The following DTNB variants were observed in gnomAD, a reference collection of about 807,000 sequenced individuals.
DTNB encodes the protein DTN-B.
DTNB carries 63 observed loss-of-function variants against 90.7 expected under a neutral mutation model. That is an observed-to-expected ratio of 0.69 (90% CI 0.57 to 0.86). DTNB has a LOEUF of 0.86. Among genes scored for constraint, DTNB ranks in the 40% least tolerant of loss-of-function variants. DTNB has a pLI of 0.00. For synonymous variants in DTNB, 277 were observed against 286.7 expected, an observed-to-expected ratio of 0.97 and a Z score of 0.34; for missense variants, 744 against 807.1, an observed-to-expected ratio of 0.92 and a Z score of 0.95.
rs978403836 is a variant in DTNB, at chr2:25,633,450, T to A, written c.149-5066A>T. On this transcript the variant is annotated intron_variant, in intron 3 of 20. Coordinates refer to ENST00000406818, the MANE Select transcript of DTNB (RefSeq NM_021907.5). ...CGAGGTGCCGGGATTGCAGACGGAG[T>A]CTGGTTCACTCAGCGCTCAATGGTG... 2.8e-4 allele frequency among the ~76,000 whole-genome samples: 42 copies of A among 152,054 alleles called. 1 individual carries two copies. The highest frequency in any genetic ancestry group is 2.4e-3 in the Admixed American group (36 of 15,260).
rs529689566 is a variant in DTNB at position 25,424,407 on chromosome 2, G to A, written c.1554+3128C>T. Among the ~76,000 whole-genome samples the A allele has an allele frequency of 5.9e-5, 9 of 152,222 alleles. No individual in the cohort carries two copies. Among genetic ancestry groups the A allele is most frequent in the African/African-American group, 1.4e-4 (6 of 41,532 alleles). On this transcript the variant is annotated intron_variant, in intron 15 of 20. Transcript: ENST00000406818. This position sits in a 1 kb window ranked among gnomAD's most constrained non-coding sequence, Gnocchi z 4.1. ...TTAGCCCTTGAATACAAGCATCAGC[G>A]GTACACTAGAAGGCCACAGTGGCAT...
chr2:25,559,276 GCATCAA>G lies in DTNB; in HGVS notation c.876+17556_876+17561del, dbSNP rs72405704. 7.8e-3 allele frequency among the ~76,000 whole-genome samples: 1,188 copies of G among 152,146 alleles called. 17 individuals are homozygous for G. Among genetic ancestry groups the G allele is most frequent in the African/African-American group, 0.027 (1,136 of 41,492 alleles). On this transcript the variant is annotated intron_variant, in intron 8 of 20. Transcript: ENST00000406818. The stretch of plus-strand genomic sequence containing the variant: ...AATCCCTCCTCTGTCCGAGGCTTAC[GCATCAA>G]CCTCTTCTCTGAATGTTGCTTTCAC...
chr2:25,499,902 T>C lies in DTNB; in HGVS notation c.1002-17029A>G, dbSNP rs114287260. Among the ~76,000 whole-genome samples, 455 of 152,264 alleles carry C rather than the reference T, an allele frequency of 3.0e-3. 3 individuals are homozygous for C. The highest frequency in any genetic ancestry group is 4.9e-3 in the Non-Finnish European group (330 of 68,016). On this transcript the variant is annotated intron_variant, in intron 9 of 20. Coordinates refer to ENST00000406818, the MANE Select transcript of DTNB (RefSeq NM_021907.5). ...TAATTCTACTTACCATTCTTTTTTT[T>C]GGTTTTGTTTTGAGACAGGGTCTTG...
At chr2:25,439,374 G>T (rs186400056) in intron 12 of DTNB, among the ~76,000 whole-genome samples, 1 of 151,938 alleles carries the variant, frequency 6.6e-6, no homozygotes, top group South Asian at 2.1e-4. Context: ...TTGGTGGCGC[G>T]TGCCTGTAGT....
intron 10 of DTNB, among the ~76,000 whole-genome samples, chr2:25,459,664 T>G (rs1187192069): frequency 1.3e-5 from 2 of 152,136 alleles, no homozygotes; most frequent in Non-Finnish European, 2.9e-5. Flanking sequence ...CAGCTAATTT[T>G]TGTATTTTTA....
At chr2:25,523,641 C>CAAAA (rs763301694) in intron 9 of DTNB, among the ~76,000 whole-genome samples, 1,339 of 92,214 alleles carry the variant, frequency 0.015, 22 homozygotes, top group African/African-American at 0.047. Context: ...ACTCTGTCTC[C>CAAAA]AAAAAAAAAA....
At chr2:25,485,168 A>G (rs140018677) in intron 9 of DTNB, among the ~76,000 whole-genome samples, 2 of 151,998 alleles carry the variant, frequency 1.3e-5, no homozygotes, top group African/African-American at 4.8e-5. Context: ...CTATATATAT[A>G]TTTTTTAATT....
chr2:25,388,472 G>C, intron 16 of DTNB, 111 bp from the exon 17 acceptor site: 1 of 1,374,632 alleles, frequency 7.3e-7, no homozygotes, highest in South Asian at 1.5e-5. Context: ...CCTCAGTTCA[G>C]TGGTACAAGA....
intron 3 of DTNB, among the ~76,000 whole-genome samples, chr2:25,630,441 T>C (rs906987431): frequency 1.3e-5 from 2 of 152,200 alleles, no homozygotes; most frequent in Non-Finnish European, 2.9e-5. Flanking sequence ...GGTGCATTAT[T>C]CATAAAAGCC....
intron 10 of DTNB, among the ~76,000 whole-genome samples, chr2:25,469,577 C>T (rs2062408413): frequency 6.6e-6 from 1 of 152,162 alleles, no homozygotes; most frequent in Non-Finnish European, 1.5e-5. Flanking sequence ...TCCTGAGGAG[C>T]TGGGACTATA....
chr2:25,671,764 A>G (rs2085971161), intron 1 of DTNB, among the ~76,000 whole-genome samples: 1 of 152,138 alleles, frequency 6.6e-6, no homozygotes, highest in African/African-American at 2.4e-5. Context: ...TCCTTAGAGA[A>G]CTCATAAAAG....
rs570955305 is a variant in DTNB, at chr2:25,421,091, G to C, written c.1555-1556C>G. On this transcript the variant is annotated intron_variant, in intron 15 of 20. Coordinates refer to ENST00000406818, the MANE Select transcript of DTNB (RefSeq NM_021907.5). ...TAAATTGGAACAATTCATGCAGCCA[G>C]TCTTTACTGAACATGTACGTGCCTA... is the stretch of plus-strand genomic sequence containing the variant. The C allele has an allele frequency of 2.0e-5, 3 of 152,288 alleles. No individual in the cohort carries two copies. In the South Asian group the frequency reaches 6.2e-4, roughly 32 times the overall value. 9.4% of individuals were successfully genotyped at this position (152,288 alleles called of 1,614,324 possible). A position where few individuals can be genotyped will look rare whatever the true frequency, so the allele number is the denominator to read the frequency against.
rs546089377 is a variant in DTNB at position 25,561,163 on chromosome 2, G to C, written c.876+15675C>G. Among the ~76,000 whole-genome samples, 9 of 152,128 alleles carry C rather than the reference G, an allele frequency of 5.9e-5. No individual in the cohort carries two copies. The South Asian group carries it at 1.9e-3, about 32-fold the overall frequency. On this transcript the variant is annotated intron_variant, in intron 8 of 20. Transcript: ENST00000406818. Reference sequence around the variant, plus strand: ...ACATTGAGCCTACCATCTTTATCTTGTCTCCCTCACGGCCTAATTTCTCTC... The same window carrying C: ...ACATTGAGCCTACCATCTTTATCTTCTCTCCCTCACGGCCTAATTTCTCTC...
chr2:25,655,022 C>G (rs756035839), intron 1 of DTNB, among the ~76,000 whole-genome samples: 7 of 152,232 alleles, frequency 4.6e-5, no homozygotes, highest in Non-Finnish European at 7.3e-5. Context: ...CATCTGTTGA[C>G]TGAACAGGTG....
At chr2:25,440,882 C>T (rs2057219896) in intron 12 of DTNB, among the ~76,000 whole-genome samples, 1 of 152,116 alleles carries the variant, frequency 6.6e-6, no homozygotes, top group Non-Finnish European at 1.5e-5. Context: ...ATATTTTAAG[C>T]CAGCTTTTGA....
At chr2:25,517,567 T>C (rs1332023416) in intron 9 of DTNB, among the ~76,000 whole-genome samples, 1 of 152,210 alleles carries the variant, frequency 6.6e-6, no homozygotes, top group African/African-American at 2.4e-5. Flanking sequence ...GGAACTCTTT[T>C]GCAGTACTAG....
Position 25,387,104 on chromosome 2 carries a change from C to T in DTNB, c.1825+185G>A, listed in dbSNP as rs905093921. On this transcript the variant is annotated intron_variant, in intron 18 of 20. Coordinates refer to ENST00000406818, the MANE Select transcript of DTNB (RefSeq NM_021907.5). The surrounding 1 kb of genome is among the most constrained non-coding windows in gnomAD (Gnocchi z 4.5). ...GCCTGAATGTGAAACCGCCCCTACG[C>T]GATCCTGTGTGACAGAGGCTCTCTG... 1.4e-5 allele frequency: 8 copies of T among 562,214 alleles called. No individual in the cohort carries two copies. The highest frequency in any genetic ancestry group is 4.8e-4 in the Middle Eastern group (1 of 2,094). The allele number at this position is 562,214 out of a possible 1,614,324, so 34.8% of individuals were successfully genotyped here. A position where few individuals can be genotyped will look rare whatever the true frequency, so the allele number is the denominator to read the frequency against.
At chr2:25,577,715 G>C (rs1237763425) in intron 7 of DTNB, among the ~76,000 whole-genome samples, 3 of 152,084 alleles carry the variant, frequency 2.0e-5, no homozygotes, top group Non-Finnish European at 2.9e-5. Context: ...ATAGAAAAGA[G>C]GGATAGGCCA....
chr2:25,614,392 A>G (rs965535903), intron 4 of DTNB, among the ~76,000 whole-genome samples: 11 of 152,210 alleles, frequency 7.2e-5, no homozygotes, highest in African/African-American at 2.7e-4. Flanking sequence ...AACTGTGTCC[A>G]TTCCAGGCAA....
Sources: gnomAD v4.1 joint callset for allele counts (sites outside exome capture counted in the v4.1 genomes callset) on GRCh38, gnomAD v4.1.1 for gene constraint, Gnocchi (gnomAD v3.1) non-coding constraint, MANE v1.5 for transcripts, NCBI Gene and HGNC (gene_info 2026-07-23, HGNC 2026-07-21) for gene names.